Variants in WDFY1 observed in about 807,000 individuals in gnomAD.
WDFY1 encodes the protein WD repeat and FYVE domain-containing protein 1.
WDFY1 carries 32 observed loss-of-function variants against 56.4 expected under a neutral mutation model. The ratio of observed to expected loss-of-function variants is 0.57; its 90% confidence interval spans 0.43 to 0.76. The LOEUF is 0.76. WDFY1 is among the 30% of genes least tolerant of loss of function. The pLI is 0.00. For missense variants in WDFY1, 480 were observed against 545.7 expected (o/e 0.88, Z 1.20); for synonymous variants, 192 against 197.3 (o/e 0.97, Z 0.23).
At position 223,929,190 on chromosome 2, in the gene WDFY1, T is replaced by TTTTTTGTTTTTTG. The variant is rs80081554; in HGVS notation, c.138-11181_138-11180insCAAAAAACAAAAA. On this transcript the variant is annotated intron_variant, in intron 1 of 11. Coordinates refer to ENST00000233055, the MANE Select transcript of WDFY1 (RefSeq NM_020830.5). Reference sequence around the variant, plus strand: ...TTTTTTTTTTTCTTTCTGTTTTTTGTTTTTTTTTTTTTTTGAGACAGAGTT... The same window carrying TTTTTTGTTTTTTG: ...TTTTTTTTTTTCTTTCTGTTTTTTGTTTTTTGTTTTTTGTTTTTTTTTTTTTTGAGACAGAGTT... Among the ~76,000 whole-genome samples, 48 of 101,072 alleles carry TTTTTTGTTTTTTG rather than the reference T, an allele frequency of 4.7e-4. 1 individual carries two copies. The highest frequency in any genetic ancestry group is 8.0e-4 in the Non-Finnish European group (39 of 48,670). 66.3% of individuals were successfully genotyped at this position (101,072 alleles called of 152,430 possible).
intron 7 of WDFY1, among the ~76,000 whole-genome samples, 168 bp downstream of exon 7, chr2:223,895,336 A>G (rs2106078255): frequency 6.6e-6 from 1 of 152,314 alleles, no homozygotes; most frequent in East Asian, 1.9e-4. Context: ...ACTAAACATC[A>G]GACACTCGGG....
At chr2:223,923,266 C>T (rs1407149851) in intron 1 of WDFY1, among the ~76,000 whole-genome samples, 1 of 152,178 alleles carries the variant, frequency 6.6e-6, no homozygotes, top group East Asian at 1.9e-4. Context: ...ATGCTCATTT[C>T]TATGAGTAAT....
Position 223,880,134 on chromosome 2 carries a change from C to T in WDFY1, c.1163G>A (p.Arg388His), listed in dbSNP as rs201787116. 35 of 1,613,610 alleles carry T rather than the reference C, an allele frequency of 2.2e-5. No homozygotes were observed. The East Asian group carries it at 5.1e-4, about 24-fold the overall frequency. ...RGLMVTCGTD[R>H]IVKIWDMTPV... The stretch of plus-strand genomic sequence containing the variant: ...AATTAGCCAGCTTACCTTTACAATG[C>T]GGTCGGTCCCACAGGTCACCATCAG... The change falls in exon 11 of 12, where the codon CGC becomes CAC. Residue 388 changes from arginine to histidine, a missense_variant. Coordinates refer to ENST00000233055, the MANE Select transcript of WDFY1 (RefSeq NM_020830.5).
At chr2:223,891,644 T>C (rs1006576775) in intron 8 of WDFY1, among the ~76,000 whole-genome samples, 3 of 152,154 alleles carry the variant, frequency 2.0e-5, no homozygotes. Context: ...GTGATGCACT[T>C]TGACGGTAGG....
chr2:223,925,017 T>C (rs1290894761), intron 1 of WDFY1, among the ~76,000 whole-genome samples: 1 of 152,166 alleles, frequency 6.6e-6, no homozygotes, highest in African/African-American at 2.4e-5. Flanking sequence ...AGAAATCATT[T>C]AATAGAATAA....
intron 3 of WDFY1, among the ~76,000 whole-genome samples, chr2:223,910,884 A>G (rs1693687009): frequency 1.3e-5 from 2 of 152,232 alleles, no homozygotes; most frequent in Admixed American, 1.3e-4. Context: ...TATAGTCACC[A>G]TATGACCCAG....
chr2:223,945,191 G>T lies in WDFY1; in HGVS notation c.94C>A (p.Leu32Ile). The change falls in exon 1 of 12, where the codon CTC (leucine) becomes ATC (isoleucine). Residue 32 changes from leucine (L) to isoleucine (I), a missense_variant. Coordinates refer to ENST00000233055, the MANE Select transcript of WDFY1 (RefSeq NM_020830.5). ...ATCACGCCGTCCTCCTTGGGGATGA[G>T]CAGCGCGGCCGTGACGGCGTCCTGG... ...GHQDAVTAAL[L>I]IPKEDGVITA... 1 of 1,599,008 alleles carries T rather than the reference G, an allele frequency of 6.3e-7. No homozygotes were observed.
chr2:223,927,107 C>A (rs185087567), intron 1 of WDFY1, among the ~76,000 whole-genome samples: 1 of 152,266 alleles, frequency 6.6e-6, no homozygotes. Flanking sequence ...GAGCACATGG[C>A]AAAGTAGACT....
At chr2:223,899,122 C>T in intron 5 of WDFY1, 52 bp from the exon 6 acceptor site, 1 of 1,442,216 alleles carries the variant, frequency 6.9e-7, no homozygotes. Flanking sequence ...AAAGTCCTCT[C>T]ATAAGAGAGA....
intron 4 of WDFY1, among the ~76,000 whole-genome samples, chr2:223,905,530 G>C (rs927941549): frequency 6.6e-6 from 1 of 151,944 alleles, no homozygotes; most frequent in Non-Finnish European, 1.5e-5. Context: ...ATGAATTATA[G>C]GATTAGAGTC....
chr2:223,907,305 T>C lies in WDFY1; in HGVS notation c.280-1304A>G, dbSNP rs114834683. On this transcript the variant is annotated intron_variant, in intron 3 of 11. Transcript: ENST00000233055. ...AATACTATTATTGATCAATGCTAAA[T>C]TGACATGGATATTATGAATTGCTGA... 2.4e-3 allele frequency among the ~76,000 whole-genome samples: 358 copies of C among 152,172 alleles called. 1 individual carries two copies. Among genetic ancestry groups the C allele is most frequent in the African/African-American group, 8.3e-3 (346 of 41,514 alleles).
At chr2:223,909,170 G>C (rs1693647876) in intron 3 of WDFY1, among the ~76,000 whole-genome samples, 1 of 152,180 alleles carries the variant, frequency 6.6e-6, no homozygotes, top group Non-Finnish European at 1.5e-5. Context: ...TTATTGTACA[G>C]ATCCCCAGGC....
chr2:223,922,693 G>C (rs1224413279), intron 1 of WDFY1, among the ~76,000 whole-genome samples: 3 of 152,194 alleles, frequency 2.0e-5, no homozygotes, highest in Non-Finnish European at 4.4e-5. Flanking sequence ...AAAGGATCTA[G>C]TGGCATGTGC....
chr2:223,901,447 G>T, intron 4 of WDFY1, 114 bp from the exon 5 acceptor site: 1 of 1,268,842 alleles, frequency 7.9e-7, no homozygotes, highest in Non-Finnish European at 1.1e-6. Flanking sequence ...GTACAAGAGT[G>T]TACTGGAAAT....
At chr2:223,881,353 G>C (rs1489470613) in intron 10 of WDFY1, among the ~76,000 whole-genome samples, 1 of 152,198 alleles carries the variant, frequency 6.6e-6, no homozygotes, top group Non-Finnish European at 1.5e-5. Context: ...GGATGCAGAG[G>C]CTCAGGGTAT....
chr2:223,899,028 A>G lies in WDFY1; in HGVS notation c.528T>C (p.Ser176=). 1 of 1,614,206 alleles carries G rather than the reference A, an allele frequency of 6.2e-7. No individual in the cohort carries two copies. Among genetic ancestry groups the G allele is most frequent in the Non-Finnish European group, 8.5e-7 (1 of 1,180,030 alleles). Residue 176 remains serine (S), a synonymous_variant, in exon 6 of 12, where the codon TCT becomes TCC. Transcript: ENST00000233055. The part of the protein sequence containing the change: ...DTQYAFVGDY[S]GQITLLKLEQ... ...CAAGCTTCAGCAGGGTGATCTGCCC[A>G]GAATAATCACCAACGAAAGCATACT... is the stretch of plus-strand genomic sequence containing the variant.
chr2:223,942,664 T>C (rs527645999), intron 1 of WDFY1, among the ~76,000 whole-genome samples: 1 of 140,706 alleles, frequency 7.1e-6, no homozygotes, highest in African/African-American at 2.6e-5. Flanking sequence ...GCCTCCCCAG[T>C]AGCTGGGACT....
At position 223,897,371 on chromosome 2, in the gene WDFY1, TATATATATATATA is replaced by T. The variant is rs1387205322; in HGVS notation, c.598+1574_598+1586del. On this transcript the variant is annotated intron_variant, in intron 6 of 11. Transcript: ENST00000233055. ...TTTCGCATATATATATATATATATATATATATATATATATATATATTTTTTAAGACGGAGTCTC... is the reference window on the plus strand; with the variant it reads ...TTTCGCATATATATATATATATATATTATATATTTTTTAAGACGGAGTCTC... Among the ~76,000 whole-genome samples, 323 of 65,266 alleles carry T rather than the reference TATATATATATATA, an allele frequency of 4.9e-3. 9 individuals carry two copies. Among genetic ancestry groups the T allele is most frequent in the African/African-American group, 0.018 (293 of 16,170 alleles). 42.8% of individuals were successfully genotyped at this position (65,266 alleles called of 152,430 possible).
chr2:223,907,556 C>T lies in WDFY1; in HGVS notation c.280-1555G>A, dbSNP rs533678157. ...ATGTGCCATCCTATAATGACAGTCT[C>T]CCCTTGAACTGAAGGCCACAAGAAG... is the stretch of plus-strand genomic sequence containing the variant. On this transcript the variant is annotated intron_variant, in intron 3 of 11. Coordinates refer to ENST00000233055, the MANE Select transcript of WDFY1 (RefSeq NM_020830.5). Among the ~76,000 whole-genome samples, 11 of 152,308 alleles carry T rather than the reference C, an allele frequency of 7.2e-5. No individual in the cohort carries two copies. The South Asian group carries it at 1.0e-3, about 14-fold the overall frequency.
Sources: gnomAD v4.1 joint callset for allele counts (sites outside exome capture counted in the v4.1 genomes callset) on GRCh38, gnomAD v4.1.1 for gene constraint, MANE v1.5 for transcripts, NCBI Gene and HGNC (gene_info 2026-07-23, HGNC 2026-07-21) for gene names.